CDKL5: variants seen among roughly 807,000 people sequenced by gnomAD.
CDKL5 encodes the protein cyclin-dependent kinase-like 5.
In CDKL5, 8 loss-of-function variants were observed where a neutral mutation model predicts 61.7. The observed-to-expected ratio is 0.13, with a 90% CI of 0.08 to 0.23. The LOEUF (loss-of-function observed/expected upper bound fraction) is 0.23. CDKL5 is among the 10% of genes least tolerant of loss of function. The pLI is 1.00. For missense variants in CDKL5, 440 were observed against 734.5 expected (o/e 0.60, Z 4.63); for synonymous variants, 275 against 272.3 (o/e 1.01, Z -0.10).
intron 1 of CDKL5, among the ~76,000 whole-genome samples, chrX:18,485,280 G>A (rs1921751413): frequency 9.1e-6 from 1 of 110,474 alleles, no homozygotes; most frequent in Non-Finnish European, 1.9e-5. Flanking sequence ...TGTTCCCACT[G>A]TTGCTGCTTT....
At chrX:18,553,409 G>A (rs1276407085) in intron 3 of CDKL5, among the ~76,000 whole-genome samples, 3 of 110,792 alleles carry the variant, frequency 2.7e-5, no homozygotes, top group African/African-American at 9.9e-5. Context: ...AGAAAACAGA[G>A]TTGTTGTGTT....
In CDKL5 at chrX:18,464,192, G is replaced by GT. The variant is rs369374577; in HGVS notation, c.-163+38507dup. On this transcript the variant is annotated intron_variant, in intron 1 of 17. Coordinates refer to ENST00000623535, the MANE Select transcript of CDKL5 (RefSeq NM_001323289.2). ...AGGTTAAAACTGATTTCTCATTTTT[G>GT]TTTTTTTTTTAATTTAATTGATTAC... is the stretch of plus-strand genomic sequence containing the variant. 4.6e-3 allele frequency among the ~76,000 whole-genome samples: 484 copies of GT among 104,401 alleles called. 2 individuals carry two copies. Among genetic ancestry groups the GT allele is most frequent in the Middle Eastern group, 0.039 (8 of 205 alleles). 90.7% of individuals were successfully genotyped at this position (104,401 alleles called of 115,157 possible).
chrX:18,546,950 G>T (rs1924220170), intron 3 of CDKL5, among the ~76,000 whole-genome samples: 1 of 111,494 alleles, frequency 9.0e-6, no homozygotes, highest in African/African-American at 3.3e-5. Flanking sequence ...AAGTAGAAGG[G>T]CTGGCTTCTT....
downstream of CDKL5, among the ~76,000 whole-genome samples, chrX:18,642,862 T>C (rs1379466731): frequency 9.1e-6 from 1 of 110,193 alleles, no homozygotes; most frequent in Non-Finnish European, 1.9e-5. Flanking sequence ...CAACACACAG[T>C]GAGACCCCGT....
chrX:18,565,835 T>TG (rs754213082), intron 4 of CDKL5, among the ~76,000 whole-genome samples: 64 of 111,783 alleles, frequency 5.7e-4, no homozygotes, highest in African/African-American at 1.9e-3. Context: ...TTGCTTGTTC[T>TG]GGGGGGACAA....
intron 3 of CDKL5, among the ~76,000 whole-genome samples, chrX:18,533,334 T>G (rs1923711613): frequency 1.8e-5 from 2 of 111,372 alleles, no homozygotes; most frequent in Non-Finnish European, 3.8e-5. Context: ...GGATAAAGAC[T>G]AGCAGGTCTT....
intron 3 of CDKL5, among the ~76,000 whole-genome samples, chrX:18,544,644 A>G (rs1924130803): frequency 8.9e-6 from 1 of 111,781 alleles, no homozygotes; most frequent in African/African-American, 3.3e-5. Flanking sequence ...CGACGTGACA[A>G]CCTTTGAGTT....
intron 3 of CDKL5, among the ~76,000 whole-genome samples, chrX:18,551,456 G>A (rs1183793701): frequency 9.2e-6 from 1 of 108,790 alleles, no homozygotes; most frequent in Non-Finnish European, 1.9e-5. Context: ...TATCAATTAA[G>A]TGGTCCAAGG....
chrX:18,516,535 T>C (rs1923026594), intron 3 of CDKL5, among the ~76,000 whole-genome samples: 1 of 110,208 alleles, frequency 9.1e-6, no homozygotes, highest in African/African-American at 3.3e-5. Flanking sequence ...CCGGAAAAAC[T>C]ACAAATGCTG....
intron 1 of CDKL5, chrX:18,442,204 G>C (rs978765279): frequency 8.1e-5 from 9 of 111,349 alleles, no homozygotes; most frequent in Middle Eastern, 4.7e-3. Context: ...GGACTCTTTA[G>C]AGCTCTGAGT....
chrX:18,530,859 C>A lies in CDKL5; in HGVS notation c.99+20005C>A, dbSNP rs745389865. Reference sequence around the variant, plus strand: ...ATGATGTAGGTATAGATGCCAGAGGCTTCAGTTTCCTCTAGTGTCTTTGTT... The same window carrying A: ...ATGATGTAGGTATAGATGCCAGAGGATTCAGTTTCCTCTAGTGTCTTTGTT... On this transcript the variant is annotated intron_variant, in intron 3 of 17. Coordinates refer to ENST00000623535, the MANE Select transcript of CDKL5 (RefSeq NM_001323289.2). Among the ~76,000 whole-genome samples, 14 of 111,706 alleles carry A rather than the reference C, an allele frequency of 1.3e-4. No individual in the cohort carries two copies. In the South Asian group the frequency reaches 5.3e-3, roughly 42 times the overall value.
At chrX:18,453,938 C>A (rs1415150492) in intron 1 of CDKL5, among the ~76,000 whole-genome samples, 1 of 111,795 alleles carries the variant, frequency 8.9e-6, no homozygotes, top group African/African-American at 3.2e-5. Context: ...ATGTAATTTT[C>A]ATTATTTATA....
chrX:18,496,747 A>G (rs369726824), intron 1 of CDKL5, among the ~76,000 whole-genome samples: 5 of 111,832 alleles, frequency 4.5e-5, no homozygotes, highest in East Asian at 2.8e-4. Flanking sequence ...ATCATCTCTG[A>G]TGAGGCTTTA....
At chrX:18,561,304 G>T (rs916449381) in intron 3 of CDKL5, among the ~76,000 whole-genome samples, 12 of 110,798 alleles carry the variant, frequency 1.1e-4, no homozygotes, top group Non-Finnish European at 1.9e-4. Context: ...TGAAAAATAG[G>T]ACACTTTGTC....
downstream of CDKL5, chrX:18,644,482 G>A: frequency 8.3e-7 from 1 of 1,211,415 alleles, no homozygotes; most frequent in Non-Finnish European, 1.1e-6. Flanking sequence ...GCGCTCATCG[G>A]TCCTGTACTG....
chrX:18,632,072 A>G lies in CDKL5; in HGVS notation c.*3315A>G. On this transcript the variant is annotated 3_prime_UTR_variant, in exon 18 of 18. Transcript: ENST00000623535. Reference sequence around the variant, plus strand: ...CCAAACAAACAGTGGTCCAGCCCCAAGCACTACTAGTGCTGAGGTTGAGAA... The same window carrying G: ...CCAAACAAACAGTGGTCCAGCCCCAGGCACTACTAGTGCTGAGGTTGAGAA... The G allele has an allele frequency of 1.4e-6, 1 of 717,783 alleles. No homozygotes were observed. Among genetic ancestry groups the G allele is most frequent in the African/African-American group, 2.3e-5 (1 of 43,087 alleles). The allele number at this position is 717,783 out of a possible 1,213,427, so 59.2% of individuals were successfully genotyped here. A position where few individuals can be genotyped will look rare whatever the true frequency, so the allele number is the denominator to read the frequency against.
Position 18,547,750 on chromosome X carries a change from T to A in CDKL5, c.100-16727T>A, listed in dbSNP as rs1459207843. Reference sequence around the variant, plus strand: ...AGGCCTGTGTGATAATACAGTTTAATTGAGCAGACTTTTAGTTACATACGT... The same window carrying A: ...AGGCCTGTGTGATAATACAGTTTAAATGAGCAGACTTTTAGTTACATACGT... On this transcript the variant is annotated intron_variant, in intron 3 of 17. Coordinates refer to ENST00000623535, the MANE Select transcript of CDKL5 (RefSeq NM_001323289.2). Among the ~76,000 whole-genome samples, 3 of 112,017 alleles carry A rather than the reference T, an allele frequency of 2.7e-5. No homozygotes were observed. The Admixed American group carries it at 2.8e-4, about 11-fold the overall frequency.
chrX:18,539,578 A>G (rs1203387011), intron 3 of CDKL5, among the ~76,000 whole-genome samples: 1 of 111,797 alleles, frequency 8.9e-6, no homozygotes, highest in African/African-American at 3.3e-5. Context: ...AATACTCTGT[A>G]TGATTTCAGC....
chrX:18,614,524 T>G (rs1926659039), intron 15 of CDKL5, among the ~76,000 whole-genome samples: 1 of 112,024 alleles, frequency 8.9e-6, no homozygotes, highest in Non-Finnish European at 1.9e-5. Context: ...GTTCATGTGA[T>G]AATTAAATGA....
Sources: allele counts gnomAD v4.1 joint callset (sites outside exome capture counted in the v4.1 genomes callset), GRCh38; gene constraint gnomAD v4.1.1; transcripts MANE v1.5; gene names NCBI Gene and HGNC (gene_info 2026-07-23, HGNC 2026-07-21).